Variants in PLCXD3 observed in about 807,000 individuals in gnomAD.
PLCXD3 encodes phosphatidylinositol specific phospholipase C X domain containing 3, also known as PI-PLC X domain-containing protein 3.
A neutral mutation model predicts 25.5 loss-of-function variants in PLCXD3; 19 were observed. The ratio of observed to expected loss-of-function variants is 0.75; its 90% CI spans 0.52 to 1.09. The LOEUF is 1.09. Among genes scored for constraint, PLCXD3 ranks in the 50% least tolerant of loss-of-function variants. The pLI is 0.00. For synonymous variants in PLCXD3, 174 were observed against 137.6 expected, an observed-to-expected ratio of 1.26 and a Z score of -1.85; for missense variants, 411 against 388.1, an observed-to-expected ratio of 1.06 and a Z score of -0.50.
At chr5:41,344,543 C>T (rs535697870) in intron 2 of PLCXD3, among the ~76,000 whole-genome samples, 11 of 152,042 alleles carry the variant, frequency 7.2e-5, no homozygotes, top group South Asian at 4.1e-4. Context: ...CATTATTTTG[C>T]TCTTATAATT....
chr5:41,426,517 C>A (rs551160586), intron 1 of PLCXD3, among the ~76,000 whole-genome samples: 1 of 151,672 alleles, frequency 6.6e-6, no homozygotes, highest in Non-Finnish European at 1.5e-5. Flanking sequence ...AGTCTTTATC[C>A]TTCATATGTT....
intron 1 of PLCXD3, among the ~76,000 whole-genome samples, chr5:41,436,689 A>G (rs1020181235): frequency 2.6e-5 from 4 of 152,148 alleles, no homozygotes; most frequent in African/African-American, 9.7e-5. Context: ...CAGGTGCACA[A>G]CAACAGTGTG....
chr5:41,396,992 A>C (rs999540909), intron 1 of PLCXD3, among the ~76,000 whole-genome samples: 11 of 152,216 alleles, frequency 7.2e-5, no homozygotes, highest in African/African-American at 1.2e-4. Context: ...CTGAAACTAG[A>C]ACTTACATTT....
At chr5:41,442,268 C>T (rs1382089908) in intron 1 of PLCXD3, among the ~76,000 whole-genome samples, 1 of 152,290 alleles carries the variant, frequency 6.6e-6, no homozygotes, top group Middle Eastern at 3.4e-3. Context: ...GGCAAAAACA[C>T]AAAGTATGCA....
At chr5:41,448,277 G>A (rs1379852008) in intron 1 of PLCXD3, among the ~76,000 whole-genome samples, 1 of 152,156 alleles carries the variant, frequency 6.6e-6, no homozygotes, top group African/African-American at 2.4e-5. Flanking sequence ...AGCATGCTGA[G>A]AAGGATGAAA....
chr5:41,320,148 A>G (rs1258700429), intron 2 of PLCXD3, among the ~76,000 whole-genome samples: 1 of 152,166 alleles, frequency 6.6e-6, no homozygotes, highest in Admixed American at 6.5e-5. Flanking sequence ...CCGAGACCTG[A>G]TGGCGTCACT....
At chr5:41,347,629 T>C (rs1744337432) in intron 2 of PLCXD3, among the ~76,000 whole-genome samples, 1 of 152,206 alleles carries the variant, frequency 6.6e-6, no homozygotes, top group Admixed American at 6.5e-5. Flanking sequence ...TTTTTTATTA[T>C]GGCAGCTATT....
chr5:41,499,042 C>T (rs73081518), intron 1 of PLCXD3, among the ~76,000 whole-genome samples: 1,715 of 151,518 alleles, frequency 0.011, 29 homozygotes, highest in African/African-American at 0.039. Flanking sequence ...AGCCCATAGT[C>T]ATACTCAATA....
intron 2 of PLCXD3, among the ~76,000 whole-genome samples, chr5:41,316,935 A>G (rs1220655799): frequency 6.6e-6 from 1 of 152,316 alleles, no homozygotes; most frequent in East Asian, 1.9e-4. Flanking sequence ...GGACCTTGCC[A>G]TCCTGAAAGG....
chr5:41,501,775 G>A (rs1047142105), intron 1 of PLCXD3, among the ~76,000 whole-genome samples: 3 of 152,056 alleles, frequency 2.0e-5, no homozygotes, highest in African/African-American at 4.8e-5. Flanking sequence ...GAGGTGTGGC[G>A]AACCACATCA....
intron 1 of PLCXD3, among the ~76,000 whole-genome samples, chr5:41,501,173 C>T (rs908638788): frequency 6.6e-6 from 1 of 152,056 alleles, no homozygotes; most frequent in African/African-American, 2.4e-5. Flanking sequence ...AAAGATAGAA[C>T]TACCACATGA....
intron 1 of PLCXD3, among the ~76,000 whole-genome samples, chr5:41,457,665 A>C (rs1747782873): frequency 6.6e-6 from 1 of 151,900 alleles, no homozygotes; most frequent in African/African-American, 2.4e-5. Flanking sequence ...GCCCCTTAAC[A>C]TATTTCACAT....
intron 1 of PLCXD3, among the ~76,000 whole-genome samples, chr5:41,416,742 A>C (rs1746703438): frequency 6.6e-6 from 1 of 152,228 alleles, no homozygotes; most frequent in South Asian, 2.1e-4. Context: ...AGAACATTCA[A>C]GAACCATCAT....
chr5:41,466,402 T>C (rs533915884), intron 1 of PLCXD3, among the ~76,000 whole-genome samples: 1 of 152,188 alleles, frequency 6.6e-6, no homozygotes, highest in South Asian at 2.1e-4. Flanking sequence ...TCTTAGTTTA[T>C]TTAAAAAATT....
intron 1 of PLCXD3, among the ~76,000 whole-genome samples, chr5:41,495,118 C>T (rs55779563): frequency 1.3e-5 from 2 of 152,320 alleles, no homozygotes; most frequent in Middle Eastern, 6.8e-3. Context: ...TTTTGGCATC[C>T]TCTCACCAGA....
chr5:41,341,802 A>G (rs557436052), intron 2 of PLCXD3, among the ~76,000 whole-genome samples: 276 of 152,290 alleles, frequency 1.8e-3, no homozygotes, highest in African/African-American at 6.4e-3. Flanking sequence ...TCTAAAATGA[A>G]AGTTGTCATC....
chr5:41,351,074 A>G, intron 2 of PLCXD3, among the ~76,000 whole-genome samples: 1 of 152,308 alleles, frequency 6.6e-6, no homozygotes, highest in Middle Eastern at 3.4e-3. Flanking sequence ...TGCTTTATAA[A>G]CTATAAATTA....
At chr5:41,439,547 A>G (rs1262218429) in intron 1 of PLCXD3, among the ~76,000 whole-genome samples, 1 of 152,102 alleles carries the variant, frequency 6.6e-6, no homozygotes, top group African/African-American at 2.4e-5. Context: ...TATTGAACCA[A>G]GAGGTGGCCT....
intron 2 of PLCXD3, among the ~76,000 whole-genome samples, chr5:41,320,887 A>G (rs1227848400): frequency 1.3e-5 from 2 of 152,238 alleles, no homozygotes; most frequent in Non-Finnish European, 2.9e-5. Flanking sequence ...CATTTGATAG[A>G]AGTCAACATC....
Sources: gnomAD v4.1 joint callset for allele counts (sites outside exome capture counted in the v4.1 genomes callset) on GRCh38, gnomAD v4.1.1 for gene constraint, MANE v1.5 for transcripts, NCBI Gene and HGNC (gene_info 2026-07-23, HGNC 2026-07-21) for gene names.